Variants in FBXL7 observed in about 807,000 individuals in gnomAD.
FBXL7 encodes F-box/LRR-repeat protein 7.
In FBXL7, 12 loss-of-function variants were observed where a neutral mutation model predicts 38.3. The ratio of observed to expected loss-of-function variants is 0.31; its 90% CI spans 0.20 to 0.51. FBXL7 has a LOEUF of 0.51. Ranked by LOEUF, FBXL7 falls within the 20% of genes least tolerant of loss-of-function variation. The pLI, the probability that FBXL7 is intolerant of heterozygous loss-of-function variation, is 0.98. For missense variants in FBXL7, 567 were observed against 676.4 expected, an observed-to-expected ratio of 0.84 and a Z score of 1.79; for synonymous variants, 297 against 300.9, an observed-to-expected ratio of 0.99 and a Z score of 0.13.
chr5:15,884,683 A>G (rs1172200753), intron 2 of FBXL7, among the ~76,000 whole-genome samples: 1 of 152,226 alleles, frequency 6.6e-6, no homozygotes, highest in African/African-American at 2.4e-5. Context: ...AATTCAAGAT[A>G]TTAGTGGAGA....
At chr5:15,719,953 G>A (rs541027669) in intron 2 of FBXL7, among the ~76,000 whole-genome samples, 29 of 148,862 alleles carry the variant, frequency 1.9e-4, no homozygotes, top group African/African-American at 6.6e-4. Context: ...GACTTGCCAG[G>A]AGAGAAGTCT....
intron 2 of FBXL7, among the ~76,000 whole-genome samples, chr5:15,890,139 G>T (rs558320777): frequency 6.6e-6 from 1 of 152,014 alleles, no homozygotes; most frequent in African/African-American, 2.4e-5. Flanking sequence ...GACCACTACC[G>T]GTCTGTGGCC....
At chr5:15,670,495 A>G (rs935354750) in intron 2 of FBXL7, among the ~76,000 whole-genome samples, 2 of 152,112 alleles carry the variant, frequency 1.3e-5, no homozygotes, top group African/African-American at 4.8e-5. Context: ...GTCTACACTT[A>G]CCAAAGTCAA....
intron 2 of FBXL7, among the ~76,000 whole-genome samples, chr5:15,669,561 A>G (rs554997868): frequency 3.6e-4 from 55 of 152,132 alleles, no homozygotes; most frequent in African/African-American, 1.2e-3. Flanking sequence ...CACTCCTCCT[A>G]CCTTCCTTTC....
In FBXL7 at chr5:15,642,678, T is replaced by TTAGATAGGAGACAGACC. The variant is rs1044541301; in HGVS notation, c.127+26632_127+26648dup. 3.9e-5 allele frequency among the ~76,000 whole-genome samples: 6 copies of TTAGATAGGAGACAGACC among 152,194 alleles called. No individual in the cohort carries two copies. In the South Asian group the frequency reaches 6.2e-4, roughly 16 times the overall value. On this transcript the variant is annotated intron_variant, in intron 2 of 3. Coordinates refer to ENST00000504595, the MANE Select transcript of FBXL7 (RefSeq NM_012304.5). ...GCAAACTAGGCTAACCTTTGTACTC[T>TTAGATAGGAGACAGACC]TAGATAGGAGACAGACCTAGATAGG...
intron 2 of FBXL7, among the ~76,000 whole-genome samples, chr5:15,880,721 T>TTATATATATATATATATATA (rs3034531): frequency 2.1e-5 from 3 of 143,360 alleles, no homozygotes; most frequent in African/African-American, 5.1e-5. Context: ...ATATACTATA[T>TTATATATATATATATATATA]TATATATATA....
intron 2 of FBXL7, among the ~76,000 whole-genome samples, chr5:15,803,138 A>T (rs1174391925): frequency 6.6e-6 from 1 of 152,198 alleles, no homozygotes; most frequent in African/African-American, 2.4e-5. Context: ...ATATCTATGG[A>T]CCACCTGATT....
intron 1 of FBXL7, among the ~76,000 whole-genome samples, chr5:15,530,921 TC>T (rs1737402392): frequency 6.6e-6 from 1 of 152,060 alleles, no homozygotes; most frequent in African/African-American, 2.4e-5. Context: ...TAGATTGCAG[TC>T]CCCCAAAGAA....
chr5:15,755,349 G>A (rs144178480), intron 2 of FBXL7, among the ~76,000 whole-genome samples: 118 of 152,244 alleles, frequency 7.8e-4, no homozygotes, highest in African/African-American at 2.7e-3. Context: ...AAACATGAAT[G>A]AATAGGCATG....
At chr5:15,684,062 T>C (rs1742934434) in intron 2 of FBXL7, among the ~76,000 whole-genome samples, 1 of 152,154 alleles carries the variant, frequency 6.6e-6, no homozygotes, top group Non-Finnish European at 1.5e-5. Flanking sequence ...TTCAATATGG[T>C]TTAAATTCTA....
At chr5:15,932,985 T>C (rs1424733209) in intron 3 of FBXL7, among the ~76,000 whole-genome samples, 2 of 152,174 alleles carry the variant, frequency 1.3e-5, no homozygotes, top group Non-Finnish European at 2.9e-5. Context: ...ATCTGTAGTC[T>C]GGTTGTACAA....
intron 2 of FBXL7, among the ~76,000 whole-genome samples, chr5:15,686,966 A>T (rs1743034065): frequency 6.6e-6 from 1 of 152,124 alleles, no homozygotes; most frequent in Non-Finnish European, 1.5e-5. Flanking sequence ...AAATTCTAGA[A>T]CCCGTCTTGT....
chr5:15,743,912 T>C (rs1425244468), intron 2 of FBXL7, among the ~76,000 whole-genome samples: 14 of 152,200 alleles, frequency 9.2e-5, no homozygotes, highest in Non-Finnish European at 1.5e-5. Flanking sequence ...TCTGAAGCAA[T>C]GGCCTGAGCT....
chr5:15,678,841 A>C (rs918409594), intron 2 of FBXL7, among the ~76,000 whole-genome samples: 1 of 152,204 alleles, frequency 6.6e-6, no homozygotes, highest in Non-Finnish European at 1.5e-5. Context: ...CTGGGAGTCC[A>C]TTAAATCTCT....
chr5:15,518,823 G>A (rs952444932), intron 1 of FBXL7, among the ~76,000 whole-genome samples: 2 of 152,140 alleles, frequency 1.3e-5, no homozygotes, highest in African/African-American at 2.4e-5. Flanking sequence ...ATACACTTGG[G>A]CATTTGTTCA....
At chr5:15,731,396 C>A (rs1735580104) in intron 2 of FBXL7, among the ~76,000 whole-genome samples, 1 of 152,058 alleles carries the variant, frequency 6.6e-6, no homozygotes, top group Non-Finnish European at 1.5e-5. Flanking sequence ...TTAAAACCAT[C>A]CGATCTCCTG....
At chr5:15,630,542 GAA>G (rs1354659682) in intron 2 of FBXL7, among the ~76,000 whole-genome samples, 1 of 151,778 alleles carries the variant, frequency 6.6e-6, no homozygotes, top group African/African-American at 2.4e-5. Context: ...CATTCTTAGA[GAA>G]GAAAATAATA....
At chr5:15,776,755 G>A (rs2126716382) in intron 2 of FBXL7, among the ~76,000 whole-genome samples, 1 of 152,128 alleles carries the variant, frequency 6.6e-6, no homozygotes, top group East Asian at 1.9e-4. Context: ...TTTTTCAGAA[G>A]CATATTCCTA....
chr5:15,865,908 A>G (rs1215290794), intron 2 of FBXL7, among the ~76,000 whole-genome samples: 1 of 152,198 alleles, frequency 6.6e-6, no homozygotes, highest in Admixed American at 6.5e-5. Context: ...CCTAAATAAC[A>G]GCTTCAGGGA....
Sources: allele counts gnomAD v4.1 joint callset (sites outside exome capture counted in the v4.1 genomes callset), GRCh38; gene constraint gnomAD v4.1.1; transcripts MANE v1.5; gene names NCBI Gene and HGNC (gene_info 2026-07-23, HGNC 2026-07-21).